The following AUTS2 variants were observed in gnomAD, a reference collection of about 807,000 sequenced individuals.
AUTS2 encodes activator of transcription and developmental regulator AUTS2.
Under a neutral mutation model 112.4 loss-of-function variants are expected in AUTS2, and 17 were observed. That is an observed-to-expected ratio of 0.15 (90% CI 0.10 to 0.23). The LOEUF is 0.23. Ranked by LOEUF, AUTS2 falls within the 10% of genes least tolerant of loss-of-function variation. The probability of loss-of-function intolerance (pLI) is 1.00; values close to 1 mark genes in which losing one functional copy is unlikely to be tolerated. For missense variants in AUTS2, 1,510 were observed against 1,701.6 expected, an observed-to-expected ratio of 0.89 and a Z score of 1.98; for synonymous variants, 751 against 702.7, an observed-to-expected ratio of 1.07 and a Z score of -1.09.
At chr7:69,944,200 C>T (rs1182940481) in intron 2 of AUTS2, among the ~76,000 whole-genome samples, 2 of 152,158 alleles carry the variant, frequency 1.3e-5, no homozygotes, top group Non-Finnish European at 2.9e-5. Context: ...CCTTGAGGGG[C>T]TCACTTCAGC....
At chr7:70,484,203 A>G (rs972349866) in intron 5 of AUTS2, among the ~76,000 whole-genome samples, 1 of 152,192 alleles carries the variant, frequency 6.6e-6, no homozygotes, top group African/African-American at 2.4e-5. Flanking sequence ...CTAACCATCC[A>G]TCCTTTTCAT....
chr7:70,716,526 G>A (rs1281913106), intron 6 of AUTS2, among the ~76,000 whole-genome samples: 2 of 150,686 alleles, frequency 1.3e-5, no homozygotes, highest in African/African-American at 4.9e-5. Context: ...CCAGCTACTC[G>A]GGAAGCTGAG....
chr7:70,073,025 CCCTCCCCTCCCTTCCCCTCCCCTCT>C (rs1425585910), intron 2 of AUTS2, among the ~76,000 whole-genome samples: 12 of 119,716 alleles, frequency 1.0e-4, no homozygotes, highest in East Asian at 2.7e-4. Context: ...CTCTCCCCTC[CCCTCCCCTCCCTTCCCCTCCCCTCT>C]CCTCCCCTCC....
At position 70,249,424 on chromosome 7, in the gene AUTS2, G is replaced by A. The variant is rs369353859; in HGVS notation, c.660+114853G>A. ...ATATGGGACAGTTCTATAGAATGGA[G>A]TTTAGTGCGCATTAGAATAAATGGG... On this transcript the variant is annotated intron_variant, in intron 4 of 18. Transcript: ENST00000342771. Among the ~76,000 whole-genome samples the A allele has an allele frequency of 3.0e-4, 46 of 152,252 alleles. 2 individuals are homozygous for A. The South Asian group carries it at 9.3e-3, about 31-fold the overall frequency.
chr7:70,511,410 T>C (rs1007639910), intron 5 of AUTS2, among the ~76,000 whole-genome samples: 8 of 151,082 alleles, frequency 5.3e-5, no homozygotes, highest in African/African-American at 1.7e-4. Flanking sequence ...TTTTTTTTTC[T>C]CAAATTTGAA....
Position 70,524,378 on chromosome 7 carries a change from T to A in AUTS2, c.690+88597T>A, listed in dbSNP as rs539426999. On this transcript the variant is annotated intron_variant, in intron 5 of 18. Coordinates refer to ENST00000342771, the MANE Select transcript of AUTS2 (RefSeq NM_015570.4). Reference sequence around the variant, plus strand: ...GTCAGGTATGTGTATTAGGGAGAGATAAAATAATAAAATGAAGGTGGCTGT... The same window carrying A: ...GTCAGGTATGTGTATTAGGGAGAGAAAAAATAATAAAATGAAGGTGGCTGT... 1.2e-3 allele frequency among the ~76,000 whole-genome samples: 183 copies of A among 152,290 alleles called. 1 individual carries two copies. The highest frequency in any genetic ancestry group is 1.5e-3 in the Non-Finnish European group (99 of 68,018).
chr7:70,214,350 C>T, intron 4 of AUTS2, among the ~76,000 whole-genome samples: 1 of 152,166 alleles, frequency 6.6e-6, no homozygotes, highest in East Asian at 1.9e-4. Context: ...TCTTGCACTG[C>T]AACATTCCAC....
At chr7:70,705,706 C>A (rs896096819) in intron 6 of AUTS2, among the ~76,000 whole-genome samples, 24 of 152,166 alleles carry the variant, frequency 1.6e-4, no homozygotes, top group African/African-American at 5.8e-4. Context: ...AGAGTGCACT[C>A]TGAGGCCTGA....
intron 1 of AUTS2, among the ~76,000 whole-genome samples, chr7:69,630,628 C>T (rs980076896): frequency 2.0e-5 from 3 of 152,190 alleles, no homozygotes; most frequent in Admixed American, 6.5e-5. Context: ...AACTTCCTTT[C>T]TCTGTTTTTG....
At chr7:70,185,254 A>G (rs1038548130) in intron 4 of AUTS2, among the ~76,000 whole-genome samples, 7 of 124,228 alleles carry the variant, frequency 5.6e-5, no homozygotes, top group Non-Finnish European at 1.2e-4. Context: ...AAATGACATT[A>G]AACTTTTTTT....
intron 1 of AUTS2, among the ~76,000 whole-genome samples, chr7:69,833,338 AT>A (rs1282443617): frequency 1.3e-5 from 2 of 152,220 alleles, no homozygotes; most frequent in Non-Finnish European, 2.9e-5. Context: ...TGACCTGATT[AT>A]TATATAATTA....
At chr7:69,912,470 G>A (rs963853615) in intron 2 of AUTS2, among the ~76,000 whole-genome samples, 10 of 152,340 alleles carry the variant, frequency 6.6e-5, no homozygotes, top group East Asian at 1.9e-4. Context: ...TCTTGGCAGC[G>A]GCTGCTCCAG....
At chr7:69,721,395 T>C (rs1430508532) in intron 1 of AUTS2, among the ~76,000 whole-genome samples, 1 of 152,244 alleles carries the variant, frequency 6.6e-6, no homozygotes. Context: ...TCTTCCCTTA[T>C]TCCGCTTTTC....
chr7:70,698,069 T>C (rs1365559212), intron 5 of AUTS2, among the ~76,000 whole-genome samples: 3 of 152,200 alleles, frequency 2.0e-5, no homozygotes, highest in Non-Finnish European at 2.9e-5. Flanking sequence ...GACAGGGATC[T>C]TGGAGTCATC....
intron 5 of AUTS2, among the ~76,000 whole-genome samples, chr7:70,685,472 CAAA>C (rs34403837): frequency 9.1e-5 from 6 of 65,962 alleles, no homozygotes; most frequent in African/African-American, 1.6e-4. Context: ...GACTCTGTCT[CAAA>C]AAAAAAAAAA....
chr7:69,896,390 C>T (rs73168747), intron 1 of AUTS2, among the ~76,000 whole-genome samples: 12,549 of 152,184 alleles, frequency 0.082, 666 homozygotes, highest in African/African-American at 0.14. Flanking sequence ...GCAGTGGTAG[C>T]AGCTGGAAGT....
At chr7:70,293,945 C>T (rs1300299164) in intron 4 of AUTS2, 1 of 152,162 alleles carries the variant, frequency 6.6e-6, no homozygotes. Flanking sequence ...GAAGGCATTC[C>T]TGGCACCCCT....
chr7:70,570,589 C>T (rs1801896919), intron 5 of AUTS2, among the ~76,000 whole-genome samples: 1 of 152,168 alleles, frequency 6.6e-6, no homozygotes, highest in Admixed American at 6.5e-5. Flanking sequence ...CCTATGCCTT[C>T]ACTCCCACTG....
At chr7:69,864,030 A>G (rs1431862614) in intron 1 of AUTS2, among the ~76,000 whole-genome samples, 1 of 152,110 alleles carries the variant, frequency 6.6e-6, no homozygotes, top group Non-Finnish European at 1.5e-5. Context: ...CAGGGGTGGG[A>G]GTCTTAGTCC....
Sources: gnomAD v4.1 joint callset for allele counts (sites outside exome capture counted in the v4.1 genomes callset) on GRCh38, gnomAD v4.1.1 for gene constraint, MANE v1.5 for transcripts, NCBI Gene and HGNC (gene_info 2026-07-23, HGNC 2026-07-21) for gene names.